Variants in GPC4 observed in about 807,000 individuals in gnomAD.
GPC4 encodes the protein glypican-4.
A neutral mutation model predicts 35.0 loss-of-function variants in GPC4; 10 were observed. The observed-to-expected ratio is 0.29, with a 90% CI of 0.18 to 0.48. GPC4 has a LOEUF of 0.48. Ranked by LOEUF, GPC4 falls within the 20% of genes least tolerant of loss-of-function variation. GPC4 has a pLI of 0.99. For missense variants in GPC4, 322 were observed against 451.3 expected (o/e 0.71, Z 2.60); for synonymous variants, 167 against 170.2 (o/e 0.98, Z 0.15).
Position 133,396,539 on chromosome X carries a change from A to G in GPC4, c.160+18267T>C, listed in dbSNP as rs150731150. The stretch of plus-strand genomic sequence containing the variant: ...TCAGCTTGCATTCCCCTCACATTAA[A>G]AACACATCTCATTTTTTTAGTTGTT... On this transcript the variant is annotated intron_variant, in intron 1 of 8. Transcript: ENST00000370828. Among the ~76,000 whole-genome samples the G allele has an allele frequency of 4.2e-4, 47 of 112,002 alleles. 2 individuals are homozygous for G. In the East Asian group the frequency reaches 0.013, roughly 31 times the overall value.
intron 2 of GPC4, among the ~76,000 whole-genome samples, chrX:133,330,960 GAACA>G (rs746645818): frequency 1.3e-4 from 7 of 53,258 alleles, no homozygotes; most frequent in South Asian, 1.1e-3. Flanking sequence ...ACAAACAAAC[GAACA>G]AACAAACAAA....
chrX:133,399,805 AGCCT>A (rs1199850941), intron 1 of GPC4, among the ~76,000 whole-genome samples: 1 of 112,182 alleles, frequency 8.9e-6, no homozygotes, highest in Non-Finnish European at 1.9e-5. Flanking sequence ...GTCTGAGCCC[AGCCT>A]GGCCAACATG....
rs778245114 is a variant in GPC4, at chrX:133,339,167, G to C, written c.319+16C>G. 22 of 1,207,366 alleles carry C rather than the reference G, an allele frequency of 1.8e-5. No homozygotes were observed. The highest frequency in any genetic ancestry group is 2.5e-5 in the Non-Finnish European group (22 of 893,524). ...GACCTAACTGCCGGTTCTTACATAT[G>C]ACTTGAATAACATACCATCAAACTT... On this transcript the variant is annotated intron_variant, in intron 2 of 8. Coordinates refer to ENST00000370828, the MANE Select transcript of GPC4 (RefSeq NM_001448.3).
At chrX:133,404,771 G>T (rs1419928152) in intron 1 of GPC4, among the ~76,000 whole-genome samples, 1 of 104,582 alleles carries the variant, frequency 9.6e-6, no homozygotes, top group African/African-American at 3.6e-5. Flanking sequence ...ATAATCTCTT[G>T]AACCTGGGTG....
At chrX:133,308,192 T>C (rs1168463261) in intron 4 of GPC4, among the ~76,000 whole-genome samples, 1 of 111,668 alleles carries the variant, frequency 9.0e-6, no homozygotes, top group Non-Finnish European at 1.9e-5. Flanking sequence ...CAAAGATGAT[T>C]GGTTTGGAGT....
intron 1 of GPC4, among the ~76,000 whole-genome samples, chrX:133,378,171 C>T (rs912057020): frequency 1.8e-5 from 2 of 111,335 alleles, no homozygotes; most frequent in Non-Finnish European, 3.8e-5. Flanking sequence ...CAGGCATGAG[C>T]CATCATGCCC....
At position 133,303,076 on chromosome X, in the gene GPC4, T is replaced by A. The variant is rs759423954; in HGVS notation, c.1469-7A>T. The A allele has an allele frequency of 3.5e-5, 42 of 1,195,578 alleles. No homozygotes were observed. The highest frequency in any genetic ancestry group is 8.9e-5 in the Admixed American group (4 of 44,812). ...TCTCCACTACTTTCATCACCTAGTT[T>A]AAAAAAAAATGGAATAGAAATTTCA... On this transcript the variant is annotated splice_region_variant and splice_polypyrimidine_tract_variant and intron_variant, in intron 8 of 8. Coordinates refer to ENST00000370828, the MANE Select transcript of GPC4 (RefSeq NM_001448.3).
At chrX:133,355,912 C>T (rs1049698585) in intron 1 of GPC4, among the ~76,000 whole-genome samples, 2 of 111,784 alleles carry the variant, frequency 1.8e-5, no homozygotes, top group Non-Finnish European at 3.8e-5. Context: ...TTCCCTTCCA[C>T]CATGATTGAA....
chrX:133,379,621 G>C (rs1052198180), intron 1 of GPC4, among the ~76,000 whole-genome samples: 2 of 111,690 alleles, frequency 1.8e-5, no homozygotes, highest in South Asian at 7.5e-4. Context: ...GAAAGATCTG[G>C]GTTCAAATCC....
chrX:133,391,292 T>C (rs2068718374), intron 1 of GPC4, among the ~76,000 whole-genome samples: 1 of 111,967 alleles, frequency 8.9e-6, no homozygotes, highest in South Asian at 3.8e-4. Flanking sequence ...ATGGCCCTCT[T>C]TCCAAGCAGT....
intron 1 of GPC4, among the ~76,000 whole-genome samples, chrX:133,405,794 A>C (rs2068784805): frequency 8.9e-6 from 1 of 112,713 alleles, no homozygotes; most frequent in Non-Finnish European, 1.9e-5. Flanking sequence ...TTTGAATGCA[A>C]GTTCCTCAAA....
chrX:133,338,350 A>T (rs1215842365), intron 2 of GPC4, among the ~76,000 whole-genome samples: 1 of 112,011 alleles, frequency 8.9e-6, no homozygotes, highest in African/African-American at 3.2e-5. Flanking sequence ...GGCACAAAGG[A>T]AATCAATCCT....
At chrX:133,330,024 T>C in intron 2 of GPC4, among the ~76,000 whole-genome samples, 1 of 111,851 alleles carries the variant, frequency 8.9e-6, no homozygotes, top group East Asian at 2.8e-4. Flanking sequence ...AATGCCACAT[T>C]AGTTACTCCT....
intron 1 of GPC4, among the ~76,000 whole-genome samples, chrX:133,409,320 TAAAAAAAAAAAAAAAAAAAA>T (rs36008423): frequency 5.0e-4 from 16 of 31,802 alleles, no homozygotes; most frequent in Non-Finnish European, 8.2e-4. Flanking sequence ...GACCCTGCCT[TAAAAAAAAAAAAAAAAAAAA>T]AAAAAAAAAA....
rs2068380290 is a variant in GPC4, at chrX:133,324,200, C to T, written c.656G>A (p.Arg219His). ...LQVTRAFVAA[R>H]TFAQGLAVAG... The stretch of plus-strand genomic sequence containing the variant: ...AACCGCTAAGCCTTGAGCGAAAGTA[C>T]GGGCTGCTACAAAAGCACGAGTAAC... The change falls in exon 3 of 9, where the codon CGT (arginine) becomes CAT (histidine). Residue 219 changes from arginine to histidine, a missense_variant. Arg to His is a conservative substitution (Grantham distance 29). Around this residue, in one of 3 missense-constraint regions of GPC4, gnomAD observed 163 missense variants for 277.2 expected, o/e 0.59. Coordinates refer to ENST00000370828, the MANE Select transcript of GPC4 (RefSeq NM_001448.3). The T allele has an allele frequency of 2.5e-6, 3 of 1,209,246 alleles. No individual in the cohort carries two copies. The highest frequency in any genetic ancestry group is 4.4e-5 in the Admixed American group (2 of 45,607).
At chrX:133,400,266 G>C (rs1221394132) in intron 1 of GPC4, among the ~76,000 whole-genome samples, 1 of 111,842 alleles carries the variant, frequency 8.9e-6, no homozygotes, top group African/African-American at 3.2e-5. Context: ...CACAAACCCT[G>C]GCCATTCACT....
intron 1 of GPC4, among the ~76,000 whole-genome samples, chrX:133,357,363 G>C (rs1336234777): frequency 9.9e-6 from 1 of 100,786 alleles, no homozygotes; most frequent in African/African-American, 3.7e-5. Flanking sequence ...CAGCCTGGGT[G>C]ACAGAGGAAG....
rs761150121 is a variant in GPC4 at position 133,372,503 on chromosome X, T to G, written c.161-33162A>C. ...TTTTAGAAAGGTCCATCTGCCTTGATAGTTGAAAGTAGAATGAAATGACAA... is the reference window on the plus strand; with the variant it reads ...TTTTAGAAAGGTCCATCTGCCTTGAGAGTTGAAAGTAGAATGAAATGACAA... On this transcript the variant is annotated intron_variant, in intron 1 of 8. Coordinates refer to ENST00000370828, the MANE Select transcript of GPC4 (RefSeq NM_001448.3). 2.0e-4 allele frequency among the ~76,000 whole-genome samples: 22 copies of G among 110,989 alleles called. 1 individual carries two copies. The East Asian group carries it at 4.6e-3, about 23-fold the overall frequency.
chrX:133,317,009 A>G (rs1296472575), intron 3 of GPC4, among the ~76,000 whole-genome samples: 5 of 112,183 alleles, frequency 4.5e-5, no homozygotes, highest in African/African-American at 1.6e-4. Context: ...GGTTTGCTTC[A>G]TTTGCTTTTG....
Sources: allele counts gnomAD v4.1 joint callset (sites outside exome capture counted in the v4.1 genomes callset), GRCh38; gene constraint gnomAD v4.1.1; regional missense constraint gnomAD v4.1.1; transcripts MANE v1.5; gene names NCBI Gene and HGNC (gene_info 2026-07-23, HGNC 2026-07-21).